The following FRG1 variants were observed in gnomAD, a reference collection of about 807,000 sequenced individuals.
The protein encoded by FRG1 is FSHD region gene 1.
In FRG1, 19 loss-of-function variants were observed where a neutral mutation model predicts 37.0. That is an observed-to-expected ratio of 0.51 (90% CI 0.36 to 0.75). The LOEUF (loss-of-function observed/expected upper bound fraction) is 0.75, where lower values mean the gene tolerates loss of function less well. FRG1 is among the 30% of genes least tolerant of loss of function. The pLI is 0.00. For missense variants in FRG1, 243 were observed against 301.4 expected (o/e 0.81, Z 1.44); for synonymous variants, 73 against 96.5 (o/e 0.76, Z 1.43).
intron 2 of FRG1, among the ~76,000 whole-genome samples, chr4:189,943,640 A>T (rs973983132): frequency 2.3e-4 from 35 of 152,352 alleles, no homozygotes; most frequent in Non-Finnish European, 5.1e-4. Flanking sequence ...TTGTCTCTTA[A>T]AGGAAGTATC....
At chr4:189,953,193 T>G (rs955570301) in intron 4 of FRG1, 68 bp downstream of exon 4, 17 of 1,488,014 alleles carry the variant, frequency 1.1e-5, no homozygotes, top group East Asian at 1.0e-4. Flanking sequence ...CATTAAAAAT[T>G]TTAGTATCTG....
Position 189,960,815 on chromosome 4 carries a change from T to C in FRG1, c.605T>C (p.Val202Ala). ...ATTCCAGAAGAAGACAAAGGAAATGTAAAACAATGTGAAATCAATTATGTG... is the reference window on the plus strand; with the variant it reads ...ATTCCAGAAGAAGACAAAGGAAATGCAAAACAATGTGAAATCAATTATGTG... ...DDIPEEDKGNVKQCEINYVKK... is the reference protein window; with the variant it reads ...DDIPEEDKGNAKQCEINYVKK... The change falls in exon 7 of 9, where the codon GTA (valine) becomes GCA (alanine). Residue 202 changes from valine to alanine, a missense_variant. Val to Ala is a moderately conservative substitution (Grantham distance 64). This residue lies in a region of FRG1 where 133 missense variants were observed against 199.3 expected (regional missense o/e 0.67). Coordinates refer to ENST00000226798, the MANE Select transcript of FRG1 (RefSeq NM_004477.3). 3.7e-6 allele frequency: 6 copies of C among 1,608,736 alleles called. No individual in the cohort carries two copies. The highest frequency in any genetic ancestry group is 5.1e-6 in the Non-Finnish European group (6 of 1,178,864).
At chr4:189,942,272 G>C (rs1736342761) in intron 1 of FRG1, among the ~76,000 whole-genome samples, 1 of 151,882 alleles carries the variant, frequency 6.6e-6, no homozygotes, top group South Asian at 2.1e-4. Flanking sequence ...CTTTTGTACA[G>C]TCAGGGGTTT....
intron 3 of FRG1, among the ~76,000 whole-genome samples, 185 bp downstream of exon 3, chr4:189,952,472 G>A (rs2126810862): frequency 6.6e-6 from 1 of 152,116 alleles, no homozygotes; most frequent in South Asian, 2.1e-4. Flanking sequence ...TCTAATATAA[G>A]CATTTGAAAA....
chr4:189,953,557 T>C (rs1370712804), intron 4 of FRG1, among the ~76,000 whole-genome samples: 6 of 152,070 alleles, frequency 3.9e-5, no homozygotes, highest in African/African-American at 1.4e-4. Flanking sequence ...AGTCATTTTA[T>C]AAAGTAACCT....
intron 2 of FRG1, among the ~76,000 whole-genome samples, chr4:189,948,687 ATTTTTTTGTTT>A (rs1736629748): frequency 1.4e-5 from 1 of 70,900 alleles, no homozygotes; most frequent in African/African-American, 5.1e-5. Context: ...GCATTGGGCC[ATTTTTTTGTTT>A]TGTTTTTTTT....
Position 189,940,958 on chromosome 4 carries a change from A to T in FRG1, c.-52A>T. 6.7e-7 allele frequency: 1 copy of T among 1,484,420 alleles called. No homozygotes were observed. The highest frequency in any genetic ancestry group is 9.4e-7 in the Non-Finnish European group (1 of 1,067,066). The allele number at this position is 1,484,420 out of a possible 1,614,324, so 92.0% of individuals were successfully genotyped here. A position where few individuals can be genotyped will look rare whatever the true frequency, so the allele number is the denominator to read the frequency against. ...GCGCCCCTGTGCTGCCCCGACTCAC[A>T]TACTCGTCCAGAACCGGCCTCAGCC... On this transcript the variant is annotated 5_prime_UTR_variant, in exon 1 of 9. Transcript: ENST00000226798.
At chr4:189,951,106 T>C (rs1355349810) in intron 2 of FRG1, among the ~76,000 whole-genome samples, 6 of 152,174 alleles carry the variant, frequency 3.9e-5, no homozygotes, top group African/African-American at 1.4e-4. Flanking sequence ...TAAATAATTG[T>C]TCCTAGAGTC....
intron 2 of FRG1, among the ~76,000 whole-genome samples, chr4:189,944,962 A>G (rs1191997512): frequency 6.6e-6 from 1 of 152,176 alleles, no homozygotes; most frequent in Non-Finnish European, 1.5e-5. Flanking sequence ...GGGCCTCAAT[A>G]TTTCATAATT....
chr4:189,957,207 C>A (rs1343000536), intron 5 of FRG1, among the ~76,000 whole-genome samples, 191 bp from the exon 6 acceptor site: 2 of 152,214 alleles, frequency 1.3e-5, no homozygotes, highest in Admixed American at 1.3e-4. Flanking sequence ...TTGTGGTAAT[C>A]TTTGAATAGT....
chr4:189,946,326 A>G (rs1215712965), intron 2 of FRG1, among the ~76,000 whole-genome samples: 1 of 150,766 alleles, frequency 6.6e-6, no homozygotes, highest in South Asian at 2.1e-4. Flanking sequence ...AAAAAAAAAA[A>G]GCAAAAAAAT....
At chr4:189,948,928 A>C (rs1434460348) in intron 2 of FRG1, among the ~76,000 whole-genome samples, 1 of 152,256 alleles carries the variant, frequency 6.6e-6, no homozygotes, top group African/African-American at 2.4e-5. Flanking sequence ...CCTGGGCTAA[A>C]GTGATTCTCC....
chr4:189,952,072 G>A (rs116173693), intron 2 of FRG1, 90 bp from the exon 3 acceptor site: 11 of 897,396 alleles, frequency 1.2e-5, no homozygotes, highest in Non-Finnish European at 1.8e-5. Context: ...TGCAAAATAA[G>A]AAGTTTTTAA....
At chr4:189,955,222 T>C in intron 5 of FRG1, 71 bp downstream of exon 5, 3 of 899,228 alleles carry the variant, frequency 3.3e-6, no homozygotes, top group Non-Finnish European at 5.5e-6. Flanking sequence ...TCAATCATAA[T>C]ATATTTAAAA....
chr4:189,950,937 T>C (rs1156649051), intron 2 of FRG1, among the ~76,000 whole-genome samples: 2 of 152,224 alleles, frequency 1.3e-5, no homozygotes, highest in Non-Finnish European at 2.9e-5. Flanking sequence ...TTATATATTA[T>C]ACTATGTCAT....
At chr4:189,941,126 C>A in intron 1 of FRG1, 55 bp downstream of exon 1, 1 of 1,472,932 alleles carries the variant, frequency 6.8e-7, no homozygotes, top group Non-Finnish European at 9.5e-7. Context: ...ACGCACTCCA[C>A]CCCCGCAACT....
chr4:189,957,114 C>T (rs1360392030), intron 5 of FRG1, among the ~76,000 whole-genome samples: 3 of 152,130 alleles, frequency 2.0e-5, no homozygotes, highest in Non-Finnish European at 4.4e-5. Context: ...GTTATGTCTT[C>T]AGTAGATCTT....
At chr4:189,949,044 C>T (rs1736647412) in intron 2 of FRG1, among the ~76,000 whole-genome samples, 1 of 152,086 alleles carries the variant, frequency 6.6e-6, no homozygotes, top group African/African-American at 2.4e-5. Flanking sequence ...TGTGAGACAA[C>T]ACAGCAGGAA....
At chr4:189,950,037 C>T (rs1736687938) in intron 2 of FRG1, among the ~76,000 whole-genome samples, 1 of 151,872 alleles carries the variant, frequency 6.6e-6, no homozygotes, top group African/African-American at 2.4e-5. Context: ...TTCTTGGTTT[C>T]TGTTTTTTGT....
Sources: gnomAD v4.1 joint callset for allele counts (sites outside exome capture counted in the v4.1 genomes callset) on GRCh38, gnomAD v4.1.1 for gene constraint, gnomAD v4.1.1 regional missense constraint, MANE v1.5 for transcripts, NCBI Gene and HGNC (gene_info 2026-07-23, HGNC 2026-07-21) for gene names.